Variants in UBR4 observed in about 807,000 individuals in gnomAD.
UBR4 encodes the protein ubiquitin protein ligase E3 component n-recognin 4, also known as E3 ubiquitin-protein ligase UBR4.
UBR4 carries 124 observed loss-of-function variants against 575.6 expected under a neutral mutation model. That is an observed-to-expected ratio of 0.22 (90% confidence interval 0.19 to 0.25). The LOEUF is 0.25. Ranked by LOEUF, UBR4 falls within the 10% of genes least tolerant of loss-of-function variation. UBR4 has a pLI of 1.00. For synonymous variants in UBR4, 2,455 were observed against 2,473.7 expected (o/e 0.99, Z 0.22); for missense variants, 4,818 against 6,478.8 (o/e 0.74, Z 8.80).
At position 19,119,719 on chromosome 1, in the gene UBR4, C is replaced by T. The variant is rs1259749638; in HGVS notation, c.10311-18G>A. 1 of 1,591,540 alleles carries T rather than the reference C, an allele frequency of 6.3e-7. No individual in the cohort carries two copies. Among genetic ancestry groups the T allele is most frequent in the Non-Finnish European group, 8.6e-7 (1 of 1,162,606 alleles). ...TGGAATTTCTGTGGATATATGACAG[C>T]TCATGTTACCAAGCAGCAGAAAACC... On this transcript the variant is annotated intron_variant, in intron 69 of 105. Coordinates refer to ENST00000375254, the MANE Select transcript of UBR4 (RefSeq NM_020765.3).
chr1:19,170,429 G>C (rs1245314281), intron 26 of UBR4, among the ~76,000 whole-genome samples: 1 of 152,116 alleles, frequency 6.6e-6, no homozygotes, highest in Non-Finnish European at 1.5e-5. Flanking sequence ...GGAGGGGAGG[G>C]GAGGAGAGCA....
chr1:19,191,466 G>A (rs900055670), intron 11 of UBR4, among the ~76,000 whole-genome samples: 7 of 152,200 alleles, frequency 4.6e-5, no homozygotes, highest in African/African-American at 1.7e-4. Flanking sequence ...GGGAGACTAT[G>A]TCTCAAAAAA....
chr1:19,168,117 A>G lies in UBR4; in HGVS notation c.3809T>C (p.Leu1270Pro). The change falls in exon 28 of 106, where the codon CTG becomes CCG. Residue 1270 changes from leucine (L) to proline (P), a missense_variant. Physicochemically the swap from Leu to Pro is moderately conservative, Grantham distance 98. This residue lies in a region of UBR4 where 1,172 missense variants were observed against 1,259.7 expected (regional missense o/e 0.93). Transcript: ENST00000375254. Reference sequence around the variant, plus strand: ...CAGACTTTGGCTACAGAGAGTCCCCAGGTGTGCAGCCTGCACTGCACTAAT... The same window carrying G: ...CAGACTTTGGCTACAGAGAGTCCCCGGGTGTGCAGCCTGCACTGCACTAAT... ...SYISAVQAAH[L>P]GTLCSQSLPL... The G allele has an allele frequency of 1.2e-6, 2 of 1,613,688 alleles. No individual in the cohort carries two copies. Among genetic ancestry groups the G allele is most frequent in the Non-Finnish European group, 1.7e-6 (2 of 1,179,628 alleles).
At chr1:19,141,586 A>T in intron 56 of UBR4, 61 bp downstream of exon 56, 1 of 1,603,340 alleles carries the variant, frequency 6.2e-7, no homozygotes, top group Non-Finnish European at 8.5e-7. Flanking sequence ...AGTCCACTGA[A>T]TAAGAGCTAG....
chr1:19,201,969 G>A (rs990811077), intron 1 of UBR4, among the ~76,000 whole-genome samples, 154 bp from the exon 2 acceptor site: 9 of 152,148 alleles, frequency 5.9e-5, no homozygotes, highest in Non-Finnish European at 1.2e-4. Flanking sequence ...GAGACAGGTG[G>A]ATCACCTGAG....
chr1:19,184,764 A>C (rs964922723), intron 15 of UBR4, among the ~76,000 whole-genome samples: 1 of 152,164 alleles, frequency 6.6e-6, no homozygotes, highest in Non-Finnish European at 1.5e-5. Flanking sequence ...TATGCTAAGC[A>C]CTTTATAAAT....
chr1:19,178,706 T>C (rs1401881433), intron 18 of UBR4, among the ~76,000 whole-genome samples: 1 of 152,188 alleles, frequency 6.6e-6, no homozygotes, highest in Non-Finnish European at 1.5e-5. Context: ...CAAGTGCCCC[T>C]AAGTGGTTTC....
Position 19,138,131 on chromosome 1 carries a change from C to G in UBR4, c.8782G>C (p.Ala2928Pro), listed in dbSNP as rs777011075. 5 of 1,596,628 alleles carry G rather than the reference C, an allele frequency of 3.1e-6. No individual in the cohort carries two copies. In the Admixed American group the frequency reaches 5.1e-5, roughly 16 times the overall value. The stretch of plus-strand genomic sequence containing the variant: ...CTTGAGCTGACACTTCCTGGTCCAG[C>G]CGGATGCCCCTCAGCTGTAGCATCG... ...YGDATAEGHP[A>P]GPGSVSSSTG... The change falls in exon 60 of 106, where the codon GCT becomes CCT. Residue 2928 changes from alanine (A) to proline (P), a missense_variant. This residue lies in a region of UBR4 where 57 missense variants were observed against 101.5 expected (regional missense o/e 0.56). Transcript: ENST00000375254.
At chr1:19,150,920 T>A in intron 48 of UBR4, 127 bp from the exon 49 acceptor site, 1 of 914,670 alleles carries the variant, frequency 1.1e-6, no homozygotes, top group South Asian at 1.6e-5. Flanking sequence ...AGAAACTTTA[T>A]CTTCTGAGAT....
At chr1:19,207,463 T>C (rs895568083) in intron 1 of UBR4, among the ~76,000 whole-genome samples, 21 of 152,122 alleles carry the variant, frequency 1.4e-4, no homozygotes, top group African/African-American at 4.6e-4. Flanking sequence ...ACCTCGTCTC[T>C]ACTACAAATA....
chr1:19,197,098 C>T, intron 8 of UBR4, 43 bp downstream of exon 8: 4 of 1,605,498 alleles, frequency 2.5e-6, no homozygotes, highest in Non-Finnish European at 3.4e-6. Flanking sequence ...AAGTATATCT[C>T]TGCTTGACTG....
At position 19,093,590 on chromosome 1, in the gene UBR4, T is replaced by G. The variant is rs1197295801; in HGVS notation, c.13938-104A>C. 1.6e-6 allele frequency: 2 copies of G among 1,283,036 alleles called. No homozygotes were observed. Among genetic ancestry groups the G allele is most frequent in the Non-Finnish European group, 2.2e-6 (2 of 925,888 alleles). The allele number at this position is 1,283,036 out of a possible 1,614,324, so 79.5% of individuals were successfully genotyped here. Reference sequence around the variant, plus strand: ...TCAACAGCCTATAGAAGATCAAGGCTAAATTCCCTAACGTGACACAAAGAC... The same window carrying G: ...TCAACAGCCTATAGAAGATCAAGGCGAAATTCCCTAACGTGACACAAAGAC... On this transcript the variant is annotated intron_variant, in intron 95 of 105. Transcript: ENST00000375254. This position sits in a 1 kb window ranked among gnomAD's most constrained non-coding sequence, Gnocchi z 4.8.
At chr1:19,134,750 A>C (rs2082997710) in intron 60 of UBR4, among the ~76,000 whole-genome samples, 1 of 151,742 alleles carries the variant, frequency 6.6e-6, no homozygotes, top group African/African-American at 2.4e-5. Context: ...CTTCAAAGAG[A>C]ACCTCACAGA....
chr1:19,154,028 A>G, intron 44 of UBR4, 89 bp from the exon 45 acceptor site: 4 of 1,435,352 alleles, frequency 2.8e-6, no homozygotes, highest in Non-Finnish European at 2.9e-6. Flanking sequence ...CTAACTGGCT[A>G]CGTGACTCCA....
At chr1:19,119,442 A>G in intron 70 of UBR4, 115 bp downstream of exon 70, 1 of 1,403,032 alleles carries the variant, frequency 7.1e-7, no homozygotes, top group Non-Finnish European at 9.7e-7. Context: ...GATATATTTA[A>G]AAGAGGTTTC....
At chr1:19,176,088 C>T (rs903933629) in intron 20 of UBR4, among the ~76,000 whole-genome samples, 3 of 151,422 alleles carry the variant, frequency 2.0e-5, no homozygotes, top group Non-Finnish European at 4.4e-5. Flanking sequence ...TGCTCAGCCT[C>T]AATTTTTTTT....
Position 19,110,009 on chromosome 1 carries a change from G to C in UBR4, c.12105+87C>G. 2 of 1,586,598 alleles carry C rather than the reference G, an allele frequency of 1.3e-6. No individual in the cohort carries two copies. The highest frequency in any genetic ancestry group is 1.7e-6 in the Non-Finnish European group (2 of 1,164,254). ...GGAGGTGGGCTCAAGGCAAAGCGGA[G>C]ACCATGAGGAGGCAGGGCACACTGC... On this transcript the variant is annotated intron_variant, in intron 81 of 105. Coordinates refer to ENST00000375254, the MANE Select transcript of UBR4 (RefSeq NM_020765.3). The surrounding 1 kb of genome is among the most constrained non-coding windows in gnomAD (Gnocchi z 4.5).
At position 19,133,948 on chromosome 1, in the gene UBR4, T is replaced by C. The variant is rs1306583103; in HGVS notation, c.8906+4059A>G. ...ACAATAATTAGCTGGGTGCCAGGTGTGGTGGCACATGCCTGTAATCCCAGC... is the reference window on the plus strand; with the variant it reads ...ACAATAATTAGCTGGGTGCCAGGTGCGGTGGCACATGCCTGTAATCCCAGC... On this transcript the variant is annotated intron_variant, in intron 60 of 105. Coordinates refer to ENST00000375254, the MANE Select transcript of UBR4 (RefSeq NM_020765.3). Among the ~76,000 whole-genome samples the C allele has an allele frequency of 1.3e-5, 2 of 151,990 alleles. 1 individual carries two copies. The highest frequency in any genetic ancestry group is 3.8e-4 in the East Asian group (2 of 5,196).
Position 19,112,673 on chromosome 1 carries a change from G to C in UBR4, c.11652C>G (p.Ile3884Met), listed in dbSNP as rs1045722374. 3 of 1,614,266 alleles carry C rather than the reference G, an allele frequency of 1.9e-6. No individual in the cohort carries two copies. The highest frequency in any genetic ancestry group is 2.5e-6 in the Non-Finnish European group (3 of 1,180,042). ...GCASAVTEHC[I>M]TLLRALATNP... ...TGGTGGCCAGGGCCCGAAGTAGTGT[G>C]ATACAATGTTCTGTGACAGCCGAGG... is the stretch of plus-strand genomic sequence containing the variant. The change falls in exon 78 of 106, where the codon ATC becomes ATG. Residue 3884 changes from isoleucine to methionine, a missense_variant. Ile to Met is a conservative substitution (Grantham distance 10). Transcript: ENST00000375254.
Sources: gnomAD v4.1 joint callset for allele counts (sites outside exome capture counted in the v4.1 genomes callset) on GRCh38, gnomAD v4.1.1 for gene constraint, gnomAD v4.1.1 regional missense constraint, Gnocchi (gnomAD v3.1) non-coding constraint, MANE v1.5 for transcripts, NCBI Gene and HGNC (gene_info 2026-07-23, HGNC 2026-07-21) for gene names.